YIPF6: variants seen among roughly 807,000 people sequenced by gnomAD.
YIPF6 encodes the protein protein YIPF6.
Under a neutral mutation model 16.8 loss-of-function variants are expected in YIPF6, and 3 were observed. The ratio of observed to expected loss-of-function variants is 0.18; its 90% CI spans 0.08 to 0.46. The LOEUF (loss-of-function observed/expected upper bound fraction) is 0.46. Among genes scored for constraint, YIPF6 ranks in the 20% least tolerant of loss-of-function variants. The pLI is 0.98. For missense variants in YIPF6, 145 were observed against 184.9 expected, an observed-to-expected ratio of 0.78 and a Z score of 1.25; for synonymous variants, 67 against 61.9, an observed-to-expected ratio of 1.08 and a Z score of -0.38.
chrX:68,511,416 G>A (rs1241716885), intron 1 of YIPF6, among the ~76,000 whole-genome samples: 1 of 112,039 alleles, frequency 8.9e-6, no homozygotes, highest in Non-Finnish European at 1.9e-5. Flanking sequence ...CCTGTTTCCC[G>A]CACTTGCCTT....
chrX:68,508,092 T>G lies in YIPF6; in HGVS notation c.58-3757T>G, dbSNP rs377030033. Reference sequence around the variant, plus strand: ...GTATCTGTCATTTGATGTCTCATTATTTTTGGAAAATTCTCAGCTATTCTT... The same window carrying G: ...GTATCTGTCATTTGATGTCTCATTAGTTTTGGAAAATTCTCAGCTATTCTT... On this transcript the variant is annotated intron_variant, in intron 1 of 6. Coordinates refer to ENST00000462683, the MANE Select transcript of YIPF6 (RefSeq NM_173834.4). Among the ~76,000 whole-genome samples, 3 of 110,131 alleles carry G rather than the reference T, an allele frequency of 2.7e-5. No homozygotes were observed. The East Asian group carries it at 8.6e-4, about 32-fold the overall frequency.
At chrX:68,516,669 G>T (rs897847619) in intron 3 of YIPF6, among the ~76,000 whole-genome samples, 2 of 111,814 alleles carry the variant, frequency 1.8e-5, no homozygotes, top group Admixed American at 1.9e-4. Flanking sequence ...ATAAATTTGC[G>T]TACCTCTCTT....
At chrX:68,526,747 A>G (rs1033590841) in intron 6 of YIPF6, among the ~76,000 whole-genome samples, 21 of 111,844 alleles carry the variant, frequency 1.9e-4, no homozygotes, top group African/African-American at 6.5e-4. Context: ...GGTTTTTGTC[A>G]TTGGTTCTGT....
chrX:68,513,639 G>A, intron 3 of YIPF6: 1 of 204,170 alleles, frequency 4.9e-6, no homozygotes, highest in South Asian at 1.3e-4. Context: ...CCAGGCTGGA[G>A]TGCAATGGTA....
intron 6 of YIPF6, among the ~76,000 whole-genome samples, chrX:68,529,416 A>G (rs1286956681): frequency 1.8e-5 from 2 of 110,681 alleles, no homozygotes; most frequent in African/African-American, 3.3e-5. Context: ...GCATTGCATT[A>G]GAACATGCTC....
intron 6 of YIPF6, among the ~76,000 whole-genome samples, chrX:68,525,668 A>G (rs1034717029): frequency 2.9e-4 from 32 of 111,857 alleles, no homozygotes; most frequent in African/African-American, 9.4e-4. Context: ...TGTATAAGGT[A>G]TAAGGAAAGG....
At chrX:68,513,183 G>T (rs1403459821) in intron 2 of YIPF6, 144 bp from the exon 3 acceptor site, 3 of 431,516 alleles carry the variant, frequency 7.0e-6, no homozygotes, top group Non-Finnish European at 1.2e-5. Flanking sequence ...GTTTGTTTGT[G>T]TAGTGAAGGA....
At chrX:68,512,946 G>A (rs1039846224) in intron 2 of YIPF6, among the ~76,000 whole-genome samples, 4 of 109,372 alleles carry the variant, frequency 3.7e-5, no homozygotes, top group African/African-American at 1.3e-4. Context: ...CAGGCTAATT[G>A]GTCCTTGGAA....
intron 1 of YIPF6, among the ~76,000 whole-genome samples, chrX:68,505,328 T>G (rs1020496044): frequency 1.8e-5 from 2 of 111,213 alleles, no homozygotes; most frequent in African/African-American, 6.5e-5. Flanking sequence ...GAGACTCGCT[T>G]GAATCCAGGA....
rs2079194172 is a variant in YIPF6 at position 68,537,062 on chromosome X, A to G, written c.*5063A>G. On this transcript the variant is annotated 3_prime_UTR_variant, in exon 7 of 7. Coordinates refer to ENST00000462683, the MANE Select transcript of YIPF6 (RefSeq NM_173834.4). Reference sequence around the variant, plus strand: ...GTAAAGGCTTTGCCTTAATGAAGTCAAGTGTTCTGCCTGGTGGGAAGTGGC... The same window carrying G: ...GTAAAGGCTTTGCCTTAATGAAGTCGAGTGTTCTGCCTGGTGGGAAGTGGC... 8.9e-6 allele frequency: 1 copy of G among 111,982 alleles called. No individual in the cohort carries two copies. Among genetic ancestry groups the G allele is most frequent in the South Asian group, 3.7e-4 (1 of 2,685 alleles). 9.2% of individuals were successfully genotyped at this position (111,982 alleles called of 1,213,427 possible).
intron 1 of YIPF6, among the ~76,000 whole-genome samples, chrX:68,504,843 T>TA (rs2079053824): frequency 8.9e-6 from 1 of 112,330 alleles, no homozygotes. Flanking sequence ...AACTGGGATT[T>TA]GAACTCAGGC....
chrX:68,523,952 G>A (rs200359092), intron 6 of YIPF6, among the ~76,000 whole-genome samples: 1 of 112,004 alleles, frequency 8.9e-6, no homozygotes, highest in East Asian at 2.8e-4. Flanking sequence ...AGAATCATAG[G>A]AGAGAGAAAC....
At position 68,535,956 on chromosome X, in the gene YIPF6, A is replaced by T. The variant is rs768679892; in HGVS notation, c.*3957A>T. 3.6e-5 allele frequency: 4 copies of T among 110,256 alleles called. No individual in the cohort carries two copies. Among genetic ancestry groups the T allele is most frequent in the Admixed American group, 9.7e-5 (1 of 10,273 alleles). 9.1% of individuals were successfully genotyped at this position (110,256 alleles called of 1,213,427 possible). ...ATGCGTCACTACACCTAATTGGCTAATTTTTGTAGTTTTTGTAGAGATAGG... is the reference window on the plus strand; with the variant it reads ...ATGCGTCACTACACCTAATTGGCTATTTTTTGTAGTTTTTGTAGAGATAGG... On this transcript the variant is annotated 3_prime_UTR_variant, in exon 7 of 7. Transcript: ENST00000462683.
At chrX:68,503,600 T>C in intron 1 of YIPF6, among the ~76,000 whole-genome samples, 1 of 111,438 alleles carries the variant, frequency 9.0e-6, no homozygotes, top group Non-Finnish European at 1.9e-5. Context: ...GGGGATCACA[T>C]GGGACTTCAG....
chrX:68,524,529 A>G (rs1010097660), intron 6 of YIPF6, among the ~76,000 whole-genome samples: 1 of 108,367 alleles, frequency 9.2e-6, no homozygotes, highest in African/African-American at 3.3e-5. Context: ...ATGTTTTTAT[A>G]TTATTATTAT....
chrX:68,522,152 T>C (rs943239306), intron 5 of YIPF6, among the ~76,000 whole-genome samples: 2 of 110,348 alleles, frequency 1.8e-5, no homozygotes, highest in African/African-American at 6.6e-5. Flanking sequence ...GTCTATAAAC[T>C]AGAAAGGATT....
intron 1 of YIPF6, among the ~76,000 whole-genome samples, chrX:68,511,509 A>T (rs2079080839): frequency 8.9e-6 from 1 of 112,186 alleles, no homozygotes; most frequent in Non-Finnish European, 1.9e-5. Flanking sequence ...AAACGTGGCC[A>T]TTCTAAGACA....
chrX:68,522,446 G>A (rs1164748206), intron 5 of YIPF6, among the ~76,000 whole-genome samples: 3 of 110,039 alleles, frequency 2.7e-5, no homozygotes, highest in Non-Finnish European at 5.7e-5. Context: ...ACAGGTGCCT[G>A]CCACAATGCC....
At chrX:68,518,840 C>A (rs2079114472) in intron 4 of YIPF6, 28 bp downstream of exon 4, 2 of 1,158,591 alleles carry the variant, frequency 1.7e-6, no homozygotes, top group Non-Finnish European at 2.3e-6. Context: ...CTTTCTTTGT[C>A]ATTTGAGCTA....
Sources: allele counts gnomAD v4.1 joint callset (sites outside exome capture counted in the v4.1 genomes callset), GRCh38; gene constraint gnomAD v4.1.1; transcripts MANE v1.5; gene names NCBI Gene and HGNC (gene_info 2026-07-23, HGNC 2026-07-21).